TRIM55: variants seen among roughly 807,000 people sequenced by gnomAD.
TRIM55 encodes the protein tripartite motif containing 55.
A neutral mutation model predicts 60.9 loss-of-function variants in TRIM55; 50 were observed. That is an observed-to-expected ratio of 0.82 (90% CI 0.65 to 1.04). The LOEUF (loss-of-function observed/expected upper bound fraction) is 1.04, where lower values mean the gene tolerates loss of function less well. TRIM55 is among the 50% of genes least tolerant of loss of function. TRIM55 has a pLI of 0.00. For missense variants in TRIM55, 681 were observed against 666.9 expected, an observed-to-expected ratio of 1.02 and a Z score of -0.23; for synonymous variants, 237 against 238.1, an observed-to-expected ratio of 1.00 and a Z score of 0.04.
chr8:66,141,166 C>A (rs1809792513), intron 4 of TRIM55, among the ~76,000 whole-genome samples: 2 of 152,132 alleles, frequency 1.3e-5, no homozygotes, highest in Non-Finnish European at 1.5e-5. Context: ...TCCTTGTTAT[C>A]CTTTAAGAAT....
the TRIM55 span, among the ~76,000 whole-genome samples, chr8:66,120,811 A>G: frequency 6.6e-6 from 1 of 152,192 alleles, no homozygotes; most frequent in South Asian, 2.1e-4. Flanking sequence ...AATCATAAAT[A>G]TAATGTTTTC....
At chr8:66,157,853 A>AGTCAT (rs1050352629) in intron 9 of TRIM55, among the ~76,000 whole-genome samples, 21 of 152,142 alleles carry the variant, frequency 1.4e-4, no homozygotes, top group African/African-American at 4.8e-4. Flanking sequence ...CCAAGTACAC[A>AGTCAT]GGCAAAAAAA....
At chr8:66,149,603 T>G in intron 4 of TRIM55, 42 bp from the exon 5 acceptor site, 1 of 1,485,402 alleles carries the variant, frequency 6.7e-7, no homozygotes, top group Non-Finnish European at 9.4e-7. Context: ...CAAATCGACT[T>G]TGTTTCAAAT....
At chr8:66,154,760 C>T (rs575096366) in intron 9 of TRIM55, among the ~76,000 whole-genome samples, 1 of 152,338 alleles carries the variant, frequency 6.6e-6, no homozygotes, top group South Asian at 2.1e-4. Flanking sequence ...CCAGCAACCC[C>T]CAAGGAGCAC....
At chr8:66,154,923 C>G (rs2128982161) in intron 9 of TRIM55, among the ~76,000 whole-genome samples, 1 of 152,308 alleles carries the variant, frequency 6.6e-6, no homozygotes, top group South Asian at 2.1e-4. Flanking sequence ...GGTGCTCCTC[C>G]ACAGAGATTT....
intron 4 of TRIM55, among the ~76,000 whole-genome samples, chr8:66,142,209 A>G (rs983070623): frequency 7.2e-5 from 11 of 152,210 alleles, no homozygotes; most frequent in African/African-American, 2.4e-4. Context: ...TATTCTGATG[A>G]TGTGATCCAA....
At chr8:66,123,565 AAAG>A (rs1178981993), upstream of TRIM55, among the ~76,000 whole-genome samples, 1 of 152,226 alleles carries the variant, frequency 6.6e-6, no homozygotes, top group African/African-American at 2.4e-5. Context: ...AGAGAAAAAA[AAAG>A]AGAGAGAAAG....
At chr8:66,144,445 A>G (rs1264328139) in intron 4 of TRIM55, among the ~76,000 whole-genome samples, 1 of 152,260 alleles carries the variant, frequency 6.6e-6, no homozygotes, top group Non-Finnish European at 1.5e-5. Flanking sequence ...TAACTGTCCT[A>G]GCAGACCCAG....
intron 4 of TRIM55, among the ~76,000 whole-genome samples, chr8:66,137,700 G>A (rs1005094437): frequency 1.3e-5 from 2 of 148,988 alleles, no homozygotes; most frequent in African/African-American, 5.0e-5. Context: ...AAGAGTTTGA[G>A]CTCATTCATC....
At chr8:66,141,035 C>T (rs562220702) in intron 4 of TRIM55, among the ~76,000 whole-genome samples, 37 of 152,164 alleles carry the variant, frequency 2.4e-4, no homozygotes, top group Non-Finnish European at 5.0e-4. Flanking sequence ...GCTGTGCTTT[C>T]CTTGCACATG....
intron 2 of TRIM55, among the ~76,000 whole-genome samples, chr8:66,133,056 G>A (rs1365382588): frequency 6.6e-6 from 1 of 152,134 alleles, no homozygotes; most frequent in African/African-American, 2.4e-5. Context: ...TTAATAATAA[G>A]GTGGAGATAC....
In TRIM55 at chr8:66,150,291, G is replaced by A. The variant is rs755170441; in HGVS notation, c.861-51G>A. 3.0e-5 allele frequency: 49 copies of A among 1,613,708 alleles called. 1 individual carries two copies. The highest frequency in any genetic ancestry group is 1.7e-4 in the Admixed American group (10 of 59,960). ...ATGCATATTTTCACCTTTACCCAAG[G>A]CTATCCAATTTTCAACAGTGACAGA... On this transcript the variant is annotated intron_variant, in intron 6 of 9. Transcript: ENST00000315962.
the TRIM55 span, among the ~76,000 whole-genome samples, chr8:66,118,337 A>G: frequency 2.0e-5 from 3 of 151,968 alleles, no homozygotes; most frequent in African/African-American, 7.2e-5. Flanking sequence ...AGAAGTTGGC[A>G]AACCATCTAA....
In TRIM55 at chr8:66,164,933, A is replaced by AGAAGGAAG. The variant is rs66566563; in HGVS notation, c.1525-9503_1525-9496dup. Among the ~76,000 whole-genome samples, 391 of 149,042 alleles carry AGAAGGAAG rather than the reference A, an allele frequency of 2.6e-3. 1 individual carries two copies. The highest frequency in any genetic ancestry group is 7.9e-3 in the South Asian group (36 of 4,550). ...GGAAAGGAAAAATGGGAAGGAGGAA[A>AGAAGGAAG]GAAGGAAGGAAGGAAGGAAGGAAGG... is the stretch of plus-strand genomic sequence containing the variant. On this transcript the variant is annotated intron_variant, in intron 9 of 9. Transcript: ENST00000315962.
At chr8:66,171,020 T>C (rs1287463952) in intron 9 of TRIM55, among the ~76,000 whole-genome samples, 1 of 152,194 alleles carries the variant, frequency 6.6e-6, no homozygotes, top group Non-Finnish European at 1.5e-5. Flanking sequence ...TAACCCAAAC[T>C]GAGGTTCGTG....
intron 4 of TRIM55, among the ~76,000 whole-genome samples, chr8:66,148,072 G>A (rs573292688): frequency 3.3e-5 from 5 of 152,138 alleles, no homozygotes; most frequent in South Asian, 2.1e-4. Context: ...CTCACTGTGC[G>A]GGAGAGCTAG....
chr8:66,135,875 C>A (rs1809454768), intron 3 of TRIM55, among the ~76,000 whole-genome samples: 1 of 152,162 alleles, frequency 6.6e-6, no homozygotes, highest in Admixed American at 6.5e-5. Flanking sequence ...CCATCTGGTA[C>A]AGATAAAAGT....
chr8:66,142,181 T>A (rs1809855389), intron 4 of TRIM55, among the ~76,000 whole-genome samples: 1 of 152,234 alleles, frequency 6.6e-6, no homozygotes, highest in African/African-American at 2.4e-5. Flanking sequence ...CTCAGAGTCA[T>A]CTTGGAAAGC....
chr8:66,154,033 C>G lies in TRIM55; in HGVS notation c.1237-14C>G. On this transcript the variant is annotated splice_polypyrimidine_tract_variant and intron_variant, in intron 8 of 9. Coordinates refer to ENST00000315962, the MANE Select transcript of TRIM55 (RefSeq NM_184085.2). Reference sequence around the variant, plus strand: ...TTTTTTTCTTTACTTTTGAATTTATCTGTCCTGATTAAGGGGGAGGTTGTA... The same window carrying G: ...TTTTTTTCTTTACTTTTGAATTTATGTGTCCTGATTAAGGGGGAGGTTGTA... 6.4e-7 allele frequency: 1 copy of G among 1,570,116 alleles called. No individual in the cohort carries two copies. The highest frequency in any genetic ancestry group is 8.6e-7 in the Non-Finnish European group (1 of 1,158,288).
Sources: gnomAD v4.1 joint callset for allele counts (sites outside exome capture counted in the v4.1 genomes callset) on GRCh38, gnomAD v4.1.1 for gene constraint, MANE v1.5 for transcripts, NCBI Gene and HGNC (gene_info 2026-07-23, HGNC 2026-07-21) for gene names.